Variants in PTPRK observed in about 807,000 individuals in gnomAD.
PTPRK encodes the protein receptor-type tyrosine-protein phosphatase kappa.
In PTPRK, 75 loss-of-function variants were observed where a neutral mutation model predicts 178.0. That is an observed-to-expected ratio of 0.42 (90% CI 0.35 to 0.51). The LOEUF is 0.51. Among genes scored for constraint, PTPRK ranks in the 20% least tolerant of loss-of-function variants. The pLI is 0.02. For synonymous variants in PTPRK, 637 were observed against 620.6 expected (o/e 1.03, Z -0.39); for missense variants, 1,441 against 1,797.8 (o/e 0.80, Z 3.59).
rs541134591 is a variant in PTPRK, at chr6:128,081,201, T to C, written c.1777+1236A>G. Among the ~76,000 whole-genome samples, 3 of 152,174 alleles carry C rather than the reference T, an allele frequency of 2.0e-5. No individual in the cohort carries two copies. The East Asian group carries it at 5.8e-4, about 29-fold the overall frequency. ...TGCATCGTAACATCACCAAGTCTTA[T>C]TTTCTGGTAAAGTGATTCAATACAT... On this transcript the variant is annotated intron_variant, in intron 10 of 29. Transcript: ENST00000368226.
intron 1 of PTPRK, among the ~76,000 whole-genome samples, chr6:128,456,200 A>G (rs1374738167): frequency 6.6e-6 from 1 of 152,074 alleles, no homozygotes; most frequent in Admixed American, 6.6e-5. Context: ...AGATCATAAC[A>G]AGATTTTTCA....
intron 3 of PTPRK, among the ~76,000 whole-genome samples, chr6:128,246,912 A>ATTTATTAAATT (rs1359328099): frequency 6.6e-6 from 1 of 152,208 alleles, no homozygotes; most frequent in Non-Finnish European, 1.5e-5. Context: ...TAAATAAGTG[A>ATTTATTAAATT]AATAAAGTTG....
At chr6:128,139,296 T>G (rs1795444932) in intron 7 of PTPRK, among the ~76,000 whole-genome samples, 1 of 151,968 alleles carries the variant, frequency 6.6e-6, no homozygotes, top group South Asian at 2.1e-4. Flanking sequence ...AAAAACAGTA[T>G]TAAAAAAGTA....
intron 1 of PTPRK, among the ~76,000 whole-genome samples, chr6:128,406,364 T>C (rs1841657875): frequency 6.6e-6 from 1 of 152,168 alleles, no homozygotes; most frequent in Non-Finnish European, 1.5e-5. Context: ...ATAGAAGGCA[T>C]ATGGGCCAAT....
chr6:128,185,605 T>C (rs1287214331), intron 6 of PTPRK, among the ~76,000 whole-genome samples: 1 of 152,166 alleles, frequency 6.6e-6, no homozygotes, highest in African/African-American at 2.4e-5. Context: ...CTTCTCACTT[T>C]TCTCAGGAAA....
intron 1 of PTPRK, among the ~76,000 whole-genome samples, chr6:128,441,405 T>G (rs1183377694): frequency 6.6e-6 from 1 of 152,012 alleles, no homozygotes; most frequent in African/African-American, 2.4e-5. Context: ...AACAAAGAGA[T>G]AGTTTAGCCT....
chr6:128,346,611 T>C (rs982540093), intron 2 of PTPRK, among the ~76,000 whole-genome samples: 1 of 152,130 alleles, frequency 6.6e-6, no homozygotes, highest in African/African-American at 2.4e-5. Flanking sequence ...TAAAGAAAGA[T>C]AAAACATTTA....
At chr6:128,264,850 G>A (rs550129784) in intron 3 of PTPRK, among the ~76,000 whole-genome samples, 1 of 152,202 alleles carries the variant, frequency 6.6e-6, no homozygotes, top group East Asian at 1.9e-4. Flanking sequence ...TCTTGTGATA[G>A]TGAATAAATC....
chr6:128,378,372 C>T (rs1358372297), intron 2 of PTPRK, among the ~76,000 whole-genome samples: 4 of 152,036 alleles, frequency 2.6e-5, no homozygotes, highest in African/African-American at 9.7e-5. Context: ...TAAATATACA[C>T]AGACACACAC....
intron 13 of PTPRK, among the ~76,000 whole-genome samples, chr6:128,052,071 T>G (rs185090861): frequency 1.4e-4 from 21 of 152,286 alleles, no homozygotes; most frequent in Admixed American, 1.3e-3. Context: ...TTCTTATTCT[T>G]TAATGTAATC....
At chr6:128,283,091 C>T (rs1161246469) in intron 3 of PTPRK, among the ~76,000 whole-genome samples, 2 of 152,148 alleles carry the variant, frequency 1.3e-5, no homozygotes, top group Non-Finnish European at 2.9e-5. Flanking sequence ...AGCAAAGTGT[C>T]CTGATTTCTC....
At chr6:128,439,136 CTTTAT>C (rs1845978145) in intron 1 of PTPRK, among the ~76,000 whole-genome samples, 1 of 152,018 alleles carries the variant, frequency 6.6e-6, no homozygotes, top group Admixed American at 6.6e-5. Flanking sequence ...GTCATAAGTT[CTTTAT>C]TAGATGGGAA....
chr6:128,004,700 C>T (rs568403424), intron 15 of PTPRK, among the ~76,000 whole-genome samples: 21 of 151,852 alleles, frequency 1.4e-4, no homozygotes, highest in African/African-American at 4.6e-4. Context: ...TTCCTCTTAT[C>T]GCAAAAGAGA....
rs76334746 is a variant in PTPRK, at chr6:127,999,760, T to C, written c.2495-856A>G. On this transcript the variant is annotated intron_variant, in intron 15 of 29. Coordinates refer to ENST00000368226, the MANE Select transcript of PTPRK (RefSeq NM_002844.4). ...CTTGGCTATTTTCCTCACTAAATTC[T>C]GAACACCCAGTACAGAGACAGAATA... 8.3e-3 allele frequency among the ~76,000 whole-genome samples: 1,263 copies of C among 152,148 alleles called. 20 individuals carry two copies. The highest frequency in any genetic ancestry group is 0.029 in the African/African-American group (1,187 of 41,538).
At chr6:128,203,123 A>T (rs1806268489) in intron 6 of PTPRK, among the ~76,000 whole-genome samples, 1 of 152,216 alleles carries the variant, frequency 6.6e-6, no homozygotes, top group African/African-American at 2.4e-5. Flanking sequence ...AATAAATGTG[A>T]TTCATCACAT....
intron 25 of PTPRK, 150 bp downstream of exon 25, chr6:127,980,966 T>C (rs1562375877): frequency 4.0e-6 from 3 of 742,024 alleles, no homozygotes; most frequent in Middle Eastern, 4.1e-4. Context: ...AAACCTAAAA[T>C]CATTTTCCAA....
At chr6:128,264,860 C>G (rs1818713466) in intron 3 of PTPRK, among the ~76,000 whole-genome samples, 1 of 152,076 alleles carries the variant, frequency 6.6e-6, no homozygotes, top group Non-Finnish European at 1.5e-5. Flanking sequence ...GTGAATAAAT[C>G]TCACGAGATC....
chr6:128,451,309 A>C (rs559600559), intron 1 of PTPRK, among the ~76,000 whole-genome samples: 1 of 152,212 alleles, frequency 6.6e-6, no homozygotes, highest in Non-Finnish European at 1.5e-5. Context: ...ACTACAAAAA[A>C]CACCAATCTA....
At chr6:128,339,372 G>T (rs1159619408) in intron 2 of PTPRK, among the ~76,000 whole-genome samples, 1 of 152,060 alleles carries the variant, frequency 6.6e-6, no homozygotes, top group Non-Finnish European at 1.5e-5. Context: ...ACTAATTCAG[G>T]TATCTGAAGC....
Sources: allele counts gnomAD v4.1 joint callset (sites outside exome capture counted in the v4.1 genomes callset), GRCh38; gene constraint gnomAD v4.1.1; transcripts MANE v1.5; gene names NCBI Gene and HGNC (gene_info 2026-07-23, HGNC 2026-07-21).